PSD4: variants seen among roughly 807,000 people sequenced by gnomAD.
PSD4 encodes PH and SEC7 domain-containing protein 4.
In PSD4, 59 loss-of-function variants were observed where a neutral mutation model predicts 112.5. The ratio of observed to expected loss-of-function variants is 0.52; its 90% CI spans 0.43 to 0.65. PSD4 has a LOEUF of 0.65. Among genes scored for constraint, PSD4 ranks in the 30% least tolerant of loss-of-function variants. The pLI is 0.00. For missense variants in PSD4, 1,267 were observed against 1,352.6 expected, an observed-to-expected ratio of 0.94 and a Z score of 0.99; for synonymous variants, 533 against 540.0, an observed-to-expected ratio of 0.99 and a Z score of 0.18.
intron 10 of PSD4, among the ~76,000 whole-genome samples, chr2:113,195,152 C>T (rs1476580131): frequency 1.4e-5 from 2 of 145,606 alleles, no homozygotes; most frequent in East Asian, 1.9e-4. Context: ...GACTTGTCTG[C>T]CCTGGTCATC....
rs1688838655 is a variant in PSD4 at position 113,204,593 on chromosome 2, T to C, written c.*3178T>C. 1 of 152,276 alleles carries C rather than the reference T, an allele frequency of 6.6e-6. No homozygotes were observed. The highest frequency in any genetic ancestry group is 2.4e-5 in the African/African-American group (1 of 41,448). The allele number at this position is 152,276 out of a possible 1,614,324, so 9.4% of individuals were successfully genotyped here. Reference sequence around the variant, plus strand: ...GCACTTGAAGTTTGGCTTTAGTTCTTCCTTTCCCATATAGGGGAGCTCAGC... The same window carrying C: ...GCACTTGAAGTTTGGCTTTAGTTCTCCCTTTCCCATATAGGGGAGCTCAGC... On this transcript the variant is annotated 3_prime_UTR_variant, in exon 17 of 17. Transcript: ENST00000245796.
intron 14 of PSD4, chr2:113,198,133 C>T: frequency 1.8e-6 from 1 of 552,894 alleles, no homozygotes; most frequent in East Asian, 3.0e-5. Flanking sequence ...GCCAACTTTG[C>T]CAGCACAGTA....
chr2:113,185,512 C>G, intron 4 of PSD4, 72 bp downstream of exon 4: 1 of 1,611,876 alleles, frequency 6.2e-7, no homozygotes, highest in East Asian at 2.2e-5. Flanking sequence ...GGACAAAGAT[C>G]ATTCTTGGAT....
At chr2:113,181,474 C>T (rs893690958) in intron 1 of PSD4, among the ~76,000 whole-genome samples, 4 of 152,176 alleles carry the variant, frequency 2.6e-5, no homozygotes, top group Non-Finnish European at 5.9e-5. Flanking sequence ...AAACACCCTG[C>T]GAGGTTCCTG....
rs1372006327 is a variant in PSD4, at chr2:113,201,549, T to C, written c.*134T>C. Reference sequence around the variant, plus strand: ...CCTTTCCCTGCTGAAGGACAAACCTTGTTTCCCTGTGGCCCTCATTCTTGT... The same window carrying C: ...CCTTTCCCTGCTGAAGGACAAACCTCGTTTCCCTGTGGCCCTCATTCTTGT... On this transcript the variant is annotated 3_prime_UTR_variant, in exon 17 of 17. Transcript: ENST00000245796. 1.6e-6 allele frequency: 2 copies of C among 1,250,550 alleles called. No homozygotes were observed. The highest frequency in any genetic ancestry group is 2.2e-6 in the Non-Finnish European group (2 of 909,346). 77.5% of individuals were successfully genotyped at this position (1,250,550 alleles called of 1,614,324 possible). A position where few individuals can be genotyped will look rare whatever the true frequency, so the allele number is the denominator to read the frequency against.
intron 6 of PSD4, 88 bp from the exon 7 acceptor site, chr2:113,192,960 A>G: frequency 7.7e-7 from 1 of 1,298,014 alleles, no homozygotes; most frequent in Non-Finnish European, 1.1e-6. Context: ...CCCACCGCAT[A>G]ATGTGTGCAG....
chr2:113,196,026 G>A lies in PSD4; in HGVS notation c.2226-121G>A, dbSNP rs779767279. ...TTCACTGTGAAGGAGGACTCCTTGT[G>A]GGGGGTCCTGGGGTGTGGCTTCCCA... On this transcript the variant is annotated intron_variant, in intron 11 of 16. Coordinates refer to ENST00000245796, the MANE Select transcript of PSD4 (RefSeq NM_012455.3). The A allele has an allele frequency of 3.9e-6, 5 of 1,279,078 alleles. No individual in the cohort carries two copies. The South Asian group carries it at 4.2e-5, about 11-fold the overall frequency. 79.2% of individuals were successfully genotyped at this position (1,279,078 alleles called of 1,614,324 possible).
In PSD4 at chr2:113,195,789, C is replaced by T. The variant is rs375145377; in HGVS notation, c.2225+19C>T. On this transcript the variant is annotated intron_variant, in intron 11 of 16. Transcript: ENST00000245796. ...GGGCCGTGTGAGTGAGACTCCCTTT[C>T]CCCTCTCCCTCTCACCCCTCTCCCC... 6.2e-7 allele frequency: 1 copy of T among 1,613,972 alleles called. No homozygotes were observed. Among genetic ancestry groups the T allele is most frequent in the Non-Finnish European group, 8.5e-7 (1 of 1,179,894 alleles).
In PSD4 at chr2:113,185,055, A is replaced by G; in HGVS notation, c.1155A>G (p.Ala385=). 6.2e-7 allele frequency: 1 copy of G among 1,614,202 alleles called. No homozygotes were observed. Among genetic ancestry groups the G allele is most frequent in the Non-Finnish European group, 8.5e-7 (1 of 1,180,028 alleles). Residue 385 remains alanine, a synonymous_variant, in exon 3 of 17, where the codon GCA becomes GCG. Coordinates refer to ENST00000245796, the MANE Select transcript of PSD4 (RefSeq NM_012455.3). ...TCGGATCTGATCTTGGCCCTGCTGC[A>G]CATCCTGTGCAACCTTGGGCAAGTC... The part of the protein sequence containing the change: ...GCVGSDLGPA[A]HPVQPWASLS...
chr2:113,197,401 G>A (rs1044289415), intron 12 of PSD4, 163 bp from the exon 13 acceptor site: 4 of 741,652 alleles, frequency 5.4e-6, no homozygotes, highest in African/African-American at 1.7e-5. Flanking sequence ...GTTTACGATT[G>A]TATGTGTTTT....
rs2104503776 is a variant in PSD4 at position 113,192,587 on chromosome 2, G to A, written c.1836G>A (p.Lys612=). The A allele has an allele frequency of 6.2e-7, 1 of 1,613,950 alleles. No individual in the cohort carries two copies. Among genetic ancestry groups the A allele is most frequent in the South Asian group, 1.1e-5 (1 of 91,086 alleles). The change falls in exon 6 of 17, where the codon AAG becomes AAA. Residue 612 remains lysine (K), a splice_region_variant and synonymous_variant. Transcript: ENST00000245796. ...CTGAAGTGGCTGCCTACCTGCAGAA[G>A]AAGTAAGGGGCTTTGAGCCTGGGGA... ...RKSEVAAYLQ[K]NNDFSRAVAE...
chr2:113,201,151 G>A lies in PSD4; in HGVS notation c.2914-7G>A, dbSNP rs368755030. On this transcript the variant is annotated splice_polypyrimidine_tract_variant and splice_region_variant and intron_variant, in intron 16 of 16. Transcript: ENST00000245796. ...GGTGCTAAGGTGGTGGGGCCTGTGT[G>A]TTGCAGAAAACCCGCTACGAGACCT... 3.7e-4 allele frequency: 600 copies of A among 1,605,458 alleles called. No individual in the cohort carries two copies. Among genetic ancestry groups the A allele is most frequent in the Non-Finnish European group, 5.0e-4 (583 of 1,174,552 alleles).
At chr2:113,192,962 T>C (rs952874577) in intron 6 of PSD4, 86 bp from the exon 7 acceptor site, 1 of 1,313,264 alleles carries the variant, frequency 7.6e-7, no homozygotes, top group Non-Finnish European at 1.1e-6. Flanking sequence ...CACCGCATAA[T>C]GTGTGCAGGC....
intron 1 of PSD4, among the ~76,000 whole-genome samples, chr2:113,174,593 C>T (rs1021352083): frequency 1.3e-5 from 2 of 152,016 alleles, no homozygotes; most frequent in African/African-American, 4.8e-5. Flanking sequence ...GTCAACTTGG[C>T]CATCAGGGGG....
At position 113,183,293 on chromosome 2, in the gene PSD4, T is replaced by A. The variant is rs1037962627; in HGVS notation, c.837T>A (p.Thr279=). ...CAGACTCCCATGCAGGTGTGAGGAC[T>A]GGACCTGAGAGCCCAGCGACTCTGG... ...GASDSHAGVR[T]GPESPATLEP... Residue 279 remains threonine, a synonymous_variant, in exon 2 of 17, where the codon ACT becomes ACA. Transcript: ENST00000245796. 2.5e-6 allele frequency: 4 copies of A among 1,613,320 alleles called. No homozygotes were observed. Among genetic ancestry groups the A allele is most frequent in the African/African-American group, 1.3e-5 (1 of 74,912 alleles).
chr2:113,195,031 G>A (rs989028319), intron 10 of PSD4, among the ~76,000 whole-genome samples: 2 of 152,182 alleles, frequency 1.3e-5, no homozygotes, highest in African/African-American at 4.8e-5. Flanking sequence ...TGTGGGGATT[G>A]GTCAGCCAGT....
Position 113,174,806 on chromosome 2 carries a change from G to A in PSD4, c.-112+752G>A, listed in dbSNP as rs562285055. ...TATAGTGAAGGTAGCTGCATGGAGG[G>A]AAAGTCCCCTGACACTGCCATTCCC... On this transcript the variant is annotated intron_variant, in intron 1 of 16. Transcript: ENST00000245796. Among the ~76,000 whole-genome samples the A allele has an allele frequency of 4.6e-5, 7 of 152,292 alleles. 1 individual carries two copies. In the South Asian group the frequency reaches 1.5e-3, roughly 32 times the overall value.
Position 113,193,612 on chromosome 2 carries a change from T to G in PSD4, c.2053T>G (p.Cys685Gly). 2.5e-6 allele frequency: 4 copies of G among 1,613,780 alleles called. No homozygotes were observed. Among genetic ancestry groups the G allele is most frequent in the Non-Finnish European group, 3.4e-6 (4 of 1,179,686 alleles). Residue 685 changes from cysteine (C) to glycine (G), a missense_variant, in exon 9 of 17, where the codon TGT becomes GGT. Around this residue, in one of 2 missense-constraint regions of PSD4, gnomAD observed 544 missense variants for 648.6 expected, o/e 0.84. Coordinates refer to ENST00000245796, the MANE Select transcript of PSD4 (RefSeq NM_012455.3). ...GGTAGATTCTGTACACACCTTGACA[T>G]GTGCAATCATGCTGCTTAACACGGA... ...PSVDSVHTLT[C>G]AIMLLNTDLH...
At position 113,205,381 on chromosome 2, in the gene PSD4, G is replaced by GCA. The variant is rs1688848932; in HGVS notation, c.*3968_*3969dup. On this transcript the variant is annotated 3_prime_UTR_variant, in exon 17 of 17. Coordinates refer to ENST00000245796, the MANE Select transcript of PSD4 (RefSeq NM_012455.3). ...GCGGTGGCTCATGCCTGTAATCCCA[G>GCA]CACTTTGGGAGGCTGAAGCGGGCGC... 1 of 152,302 alleles carries GCA rather than the reference G, an allele frequency of 6.6e-6. No homozygotes were observed. Among genetic ancestry groups the GCA allele is most frequent in the South Asian group, 2.1e-4 (1 of 4,820 alleles). 9.4% of individuals were successfully genotyped at this position (152,302 alleles called of 1,614,324 possible).
Sources: allele counts gnomAD v4.1 joint callset (sites outside exome capture counted in the v4.1 genomes callset), GRCh38; gene constraint gnomAD v4.1.1; regional missense constraint gnomAD v4.1.1; transcripts MANE v1.5; gene names NCBI Gene and HGNC (gene_info 2026-07-23, HGNC 2026-07-21).